MCF2L2: variants seen among roughly 807,000 people sequenced by gnomAD.
The protein encoded by MCF2L2 is MCF.2 cell line derived transforming sequence-like 2.
MCF2L2 carries 102 observed loss-of-function variants against 150.2 expected under a neutral mutation model. The observed-to-expected ratio is 0.68, with a 90% confidence interval of 0.58 to 0.80. The LOEUF is 0.80. Among genes scored for constraint, MCF2L2 ranks in the 30% least tolerant of loss-of-function variants. The probability of loss-of-function intolerance (pLI) is 0.00; values close to 1 mark genes in which losing one functional copy is unlikely to be tolerated. For synonymous variants in MCF2L2, 465 were observed against 491.3 expected, an observed-to-expected ratio of 0.95 and a Z score of 0.71; for missense variants, 1,256 against 1,372.8, an observed-to-expected ratio of 0.91 and a Z score of 1.34.
intron 2 of MCF2L2, among the ~76,000 whole-genome samples, chr3:183,388,789 G>C (rs1577114744): frequency 6.6e-6 from 1 of 152,170 alleles, no homozygotes; most frequent in Non-Finnish European, 1.5e-5. Flanking sequence ...AACTGAGTTC[G>C]CATCTCCTTC....
At chr3:183,302,013 G>A (rs927970531) in intron 10 of MCF2L2, among the ~76,000 whole-genome samples, 1 of 152,032 alleles carries the variant, frequency 6.6e-6, no homozygotes, top group Non-Finnish European at 1.5e-5. Context: ...TGAAATCTTG[G>A]TACTTGCCAG....
At chr3:183,358,509 C>G (rs1162343351) in intron 3 of MCF2L2, among the ~76,000 whole-genome samples, 2 of 152,134 alleles carry the variant, frequency 1.3e-5, no homozygotes, top group Non-Finnish European at 2.9e-5. Context: ...ATCAGCACTG[C>G]AGTGAACTTG....
intron 10 of MCF2L2, among the ~76,000 whole-genome samples, chr3:183,301,803 A>G (rs566029666): frequency 6.6e-6 from 1 of 151,812 alleles, no homozygotes; most frequent in Non-Finnish European, 1.5e-5. Context: ...CAAAAAAAAA[A>G]AAAAAAGAGA....
At chr3:183,427,364 G>A (rs1440391720) in intron 1 of MCF2L2, among the ~76,000 whole-genome samples, 1 of 152,186 alleles carries the variant, frequency 6.6e-6, no homozygotes, top group African/African-American at 2.4e-5. Context: ...GATTTCTCGC[G>A]GGGATCATCA....
At chr3:183,253,646 T>G (rs1300598801) in intron 15 of MCF2L2, 4 of 152,318 alleles carry the variant, frequency 2.6e-5, no homozygotes, top group African/African-American at 9.6e-5. Context: ...AAGACCCGCC[T>G]GAGCCTGCGT....
intron 2 of MCF2L2, 59 bp from the exon 3 acceptor site, chr3:183,379,470 A>T: frequency 1.7e-6 from 2 of 1,207,158 alleles, no homozygotes; most frequent in Non-Finnish European, 2.4e-6. Flanking sequence ...ACACCTCTGC[A>T]GGGAAGTTGG....
At chr3:183,262,498 C>T (rs147311116) in intron 15 of MCF2L2, among the ~76,000 whole-genome samples, 64 of 152,122 alleles carry the variant, frequency 4.2e-4, no homozygotes, top group Middle Eastern at 3.4e-3. Flanking sequence ...ATACTGACTA[C>T]GGAGTTTTTG....
intron 3 of MCF2L2, among the ~76,000 whole-genome samples, chr3:183,342,256 A>T (rs941800085): frequency 6.6e-6 from 1 of 151,992 alleles, no homozygotes. Flanking sequence ...AAGTGAAAAC[A>T]TTTTTTTTCT....
At chr3:183,296,776 A>G in intron 12 of MCF2L2, 200 bp downstream of exon 12, 1 of 560,054 alleles carries the variant, frequency 1.8e-6, no homozygotes, top group Non-Finnish European at 3.2e-6. Flanking sequence ...GAAATGACTG[A>G]TTTGAGTCAG....
chr3:183,180,336 G>A, intron 27 of MCF2L2, 177 bp from the exon 28 acceptor site: 1 of 528,992 alleles, frequency 1.9e-6, no homozygotes, highest in Non-Finnish European at 3.4e-6. Flanking sequence ...TCTCCAGGCT[G>A]CTTTTCCAGC....
chr3:183,253,222 G>T (rs1028371748), intron 15 of MCF2L2: 5 of 148,166 alleles, frequency 3.4e-5, no homozygotes, highest in African/African-American at 9.8e-5. Context: ...GGAGCCTCGC[G>T]CCCCCGCCCG....
rs543001077 is a variant in MCF2L2, at chr3:183,425,782, T to C, written c.76+2120A>G. 2.0e-5 allele frequency among the ~76,000 whole-genome samples: 3 copies of C among 152,112 alleles called. No homozygotes were observed. In the East Asian group the frequency reaches 5.8e-4, roughly 29 times the overall value. On this transcript the variant is annotated intron_variant, in intron 1 of 29. Coordinates refer to ENST00000328913, the MANE Select transcript of MCF2L2 (RefSeq NM_015078.4). Reference sequence around the variant, plus strand: ...AATCTGACCAACATGGAGAAACCCGTCTCTACTAAAAATACAAAAAAAATT... The same window carrying C: ...AATCTGACCAACATGGAGAAACCCGCCTCTACTAAAAATACAAAAAAAATT...
In MCF2L2 at chr3:183,338,842, A is replaced by C. The variant is rs1338734504; in HGVS notation, c.444T>G (p.Ile148Met). The change falls in exon 5 of 30, where the codon ATT becomes ATG. Residue 148 changes from isoleucine to methionine, a missense_variant. By Grantham distance (10) the Ile-to-Met change is conservative (BLOSUM62 1). Coordinates refer to ENST00000328913, the MANE Select transcript of MCF2L2 (RefSeq NM_015078.4). ...SRFIQRTFTD[I>M]GIKYYRNEFK... ...ACTCATTTCGATAGTATTTAATGCC[A>C]ATGTCAGTGAATGTCCTCTGGATAA... 1 of 1,607,558 alleles carries C rather than the reference A, an allele frequency of 6.2e-7. No homozygotes were observed. Among genetic ancestry groups the C allele is most frequent in the Non-Finnish European group, 8.5e-7 (1 of 1,175,290 alleles).
Position 183,376,563 on chromosome 3 carries a change from T to C in MCF2L2, c.275+2734A>G, listed in dbSNP as rs576138483. Reference sequence around the variant, plus strand: ...TAAAGGCAGGAATGAAGAGCTGGGGTTCCCCTCCGTCAGGGTCCCCCTTCT... The same window carrying C: ...TAAAGGCAGGAATGAAGAGCTGGGGCTCCCCTCCGTCAGGGTCCCCCTTCT... On this transcript the variant is annotated intron_variant, in intron 3 of 29. Coordinates refer to ENST00000328913, the MANE Select transcript of MCF2L2 (RefSeq NM_015078.4). The C allele has an allele frequency of 4.6e-5, 7 of 152,260 alleles. 2 individuals are homozygous for C. Among genetic ancestry groups the C allele is most frequent in the African/African-American group, 1.7e-4 (7 of 41,532 alleles). The allele number at this position is 152,260 out of a possible 1,614,324, so 9.4% of individuals were successfully genotyped here. A position where few individuals can be genotyped will look rare whatever the true frequency, so the allele number is the denominator to read the frequency against.
intron 1 of MCF2L2, among the ~76,000 whole-genome samples, chr3:183,391,288 G>A (rs1285157715): frequency 7.3e-6 from 1 of 137,784 alleles, no homozygotes. Flanking sequence ...TGAAAGTCTT[G>A]TAAGGGGTGG....
intron 15 of MCF2L2, among the ~76,000 whole-genome samples, chr3:183,248,412 A>G (rs1000600744): frequency 3.3e-5 from 5 of 152,202 alleles, no homozygotes; most frequent in African/African-American, 1.2e-4. Context: ...AGAGTACTCA[A>G]TGTAAACCCT....
At chr3:183,254,230 T>A (rs1485795262) in intron 15 of MCF2L2, 4 of 151,890 alleles carry the variant, frequency 2.6e-5, no homozygotes, top group African/African-American at 9.7e-5. Context: ...CGCCAGGACT[T>A]CAGGTGGGAA....
intron 10 of MCF2L2, among the ~76,000 whole-genome samples, chr3:183,309,004 G>C (rs776922056): frequency 6.6e-6 from 1 of 152,180 alleles, no homozygotes; most frequent in Non-Finnish European, 1.5e-5. Flanking sequence ...GGAAAGAGAC[G>C]ACTCAGCTTT....
At chr3:183,275,162 T>C (rs1727090194) in intron 15 of MCF2L2, among the ~76,000 whole-genome samples, 1 of 152,212 alleles carries the variant, frequency 6.6e-6, no homozygotes. Flanking sequence ...TAGTCACATA[T>C]ATTATCGTAC....
Sources: gnomAD v4.1 joint callset for allele counts (sites outside exome capture counted in the v4.1 genomes callset) on GRCh38, gnomAD v4.1.1 for gene constraint, MANE v1.5 for transcripts, NCBI Gene and HGNC (gene_info 2026-07-23, HGNC 2026-07-21) for gene names.